The following SLC22A3 variants were observed in gnomAD, a reference collection of about 807,000 sequenced individuals.
SLC22A3 encodes the protein EMT organic cation transporter 3.
Under a neutral mutation model 59.1 loss-of-function variants are expected in SLC22A3, and 51 were observed. That is an observed-to-expected ratio of 0.86 (90% CI 0.69 to 1.09). The LOEUF is 1.09. Ranked by LOEUF, SLC22A3 falls within the 50% of genes least tolerant of loss-of-function variation. The probability of loss-of-function intolerance (pLI) is 0.00; values close to 1 mark genes in which losing one functional copy is unlikely to be tolerated. For synonymous variants in SLC22A3, 325 were observed against 292.0 expected, an observed-to-expected ratio of 1.11 and a Z score of -1.15; for missense variants, 711 against 726.3, an observed-to-expected ratio of 0.98 and a Z score of 0.24.
Position 160,407,148 on chromosome 6 carries a change from T to C in SLC22A3, c.641T>C (p.Leu214Pro). ...NFPVFVIFRF[L>P]QGVFGKGTWM... ...CCTGTGTTTGTGATCTTCCGCTTCCTGCAAGGTGTATTTGGAAAGGGGACG... is the reference window on the plus strand; with the variant it reads ...CCTGTGTTTGTGATCTTCCGCTTCCCGCAAGGTGTATTTGGAAAGGGGACG... The change falls in exon 3 of 11, where the codon CTG becomes CCG. Residue 214 changes from leucine (L) to proline (P), a missense_variant. Coordinates refer to ENST00000275300, the MANE Select transcript of SLC22A3 (RefSeq NM_021977.4). The C allele has an allele frequency of 6.2e-7, 1 of 1,612,598 alleles. No homozygotes were observed. The highest frequency in any genetic ancestry group is 8.5e-7 in the Non-Finnish European group (1 of 1,179,132).
rs558521511 is a variant in SLC22A3 at position 160,382,884 on chromosome 6, C to G, written c.430-15095C>G. On this transcript the variant is annotated intron_variant, in intron 1 of 10. Coordinates refer to ENST00000275300, the MANE Select transcript of SLC22A3 (RefSeq NM_021977.4). ...AAAAAATGGAAATTCCAGAGCTGAA[C>G]AAGTACAATAATTGAAATAACAAAC... Among the ~76,000 whole-genome samples, 3 of 152,210 alleles carry G rather than the reference C, an allele frequency of 2.0e-5. No individual in the cohort carries two copies. The South Asian group carries it at 6.2e-4, about 32-fold the overall frequency.
At chr6:160,371,622 T>C (rs568232929) in intron 1 of SLC22A3, among the ~76,000 whole-genome samples, 4 of 152,320 alleles carry the variant, frequency 2.6e-5, no homozygotes, top group African/African-American at 4.8e-5. Context: ...TTTGCCATTG[T>C]GAATAGTGCC....
chr6:160,439,380 C>A (rs188200673), intron 7 of SLC22A3, among the ~76,000 whole-genome samples: 1 of 152,056 alleles, frequency 6.6e-6, no homozygotes, highest in African/African-American at 2.4e-5. Flanking sequence ...AGAAATGCAG[C>A]GAGAAAGATG....
At chr6:160,427,222 G>A (rs187723772) in intron 5 of SLC22A3, among the ~76,000 whole-genome samples, 131 of 152,266 alleles carry the variant, frequency 8.6e-4, no homozygotes, top group African/African-American at 2.6e-3. Context: ...CCAAGAAAAC[G>A]TGCAGGAAAT....
chr6:160,407,102 G>A lies in SLC22A3; in HGVS notation c.595G>A (p.Val199Met). 6.2e-7 allele frequency: 1 copy of A among 1,612,392 alleles called. No homozygotes were observed. The highest frequency in any genetic ancestry group is 1.1e-5 in the South Asian group (1 of 90,716). ...CLGVGVTGVV[V>M]AFAPNFPVFV... ...TGGTGTTGGCGTCACTGGGGTTGTGGTGGCCTTTGCACCAAACTTCCCTGT... is the reference window on the plus strand; with the variant it reads ...TGGTGTTGGCGTCACTGGGGTTGTGATGGCCTTTGCACCAAACTTCCCTGT... The change falls in exon 3 of 11, where the codon GTG (valine) becomes ATG (methionine). Residue 199 changes from valine to methionine, a missense_variant. Coordinates refer to ENST00000275300, the MANE Select transcript of SLC22A3 (RefSeq NM_021977.4).
chr6:160,385,441 C>T (rs1785964862), intron 1 of SLC22A3, among the ~76,000 whole-genome samples: 1 of 152,176 alleles, frequency 6.6e-6, no homozygotes, highest in Non-Finnish European at 1.5e-5. Context: ...GGAGCTCTGG[C>T]CACTTTTCCT....
At chr6:160,355,293 A>G (rs675162) in intron 1 of SLC22A3, among the ~76,000 whole-genome samples, 78,644 of 151,810 alleles carry the variant, frequency 0.52, 20,760 homozygotes, top group African/African-American at 0.63. Context: ...ATCCTCCCCT[A>G]GGTCTGGTAC....
intron 1 of SLC22A3, among the ~76,000 whole-genome samples, chr6:160,379,208 C>T (rs1385251235): frequency 1.3e-5 from 2 of 152,292 alleles, no homozygotes; most frequent in East Asian, 3.9e-4. Flanking sequence ...TAGTGAAACT[C>T]ATTCTGAGGT....
At chr6:160,444,161 G>A (rs994441013) in intron 9 of SLC22A3, among the ~76,000 whole-genome samples, 1 of 152,124 alleles carries the variant, frequency 6.6e-6, no homozygotes, top group African/African-American at 2.4e-5. Flanking sequence ...CTTGGGCCTA[G>A]GAGTTCAAGA....
intron 5 of SLC22A3, among the ~76,000 whole-genome samples, chr6:160,413,290 G>A (rs963750156): frequency 6.6e-6 from 1 of 152,314 alleles, no homozygotes; most frequent in Admixed American, 6.5e-5. Context: ...CATGACAACA[G>A]GTAAGTAGTT....
chr6:160,368,893 T>G (rs1249721880), intron 1 of SLC22A3, among the ~76,000 whole-genome samples: 1 of 152,196 alleles, frequency 6.6e-6, no homozygotes, highest in Non-Finnish European at 1.5e-5. Flanking sequence ...TGCTTGCATA[T>G]TCTGTCCAAG....
At chr6:160,398,509 G>C (rs1305534655) in intron 2 of SLC22A3, among the ~76,000 whole-genome samples, 2 of 151,688 alleles carry the variant, frequency 1.3e-5, no homozygotes, top group African/African-American at 4.8e-5. Context: ...TTTTTTAAAC[G>C]AAATCCTTGT....
At chr6:160,433,373 T>C (rs1325257073) in intron 5 of SLC22A3, among the ~76,000 whole-genome samples, 2 of 152,146 alleles carry the variant, frequency 1.3e-5, no homozygotes, top group African/African-American at 4.8e-5. Context: ...AACTGAAAAA[T>C]CTACAAATGT....
intron 1 of SLC22A3, among the ~76,000 whole-genome samples, chr6:160,390,073 C>A (rs531587705): frequency 6.6e-6 from 1 of 152,282 alleles, no homozygotes; most frequent in African/African-American, 2.4e-5. Flanking sequence ...ACTAATTAAT[C>A]ACCACTTATA....
chr6:160,415,298 G>A lies in SLC22A3; in HGVS notation c.975+4452G>A, dbSNP rs1348339354. Among the ~76,000 whole-genome samples the A allele has an allele frequency of 6.6e-6, 1 of 152,218 alleles. No homozygotes were observed. The highest frequency in any genetic ancestry group is 2.4e-5 in the African/African-American group (1 of 41,466). ...CCTGAGCAGAAAACCTCTTCGTGAT[G>A]ACGCAGAAGGACTGGCCAGCAGGGT... On this transcript the variant is annotated intron_variant, in intron 5 of 10. Coordinates refer to ENST00000275300, the MANE Select transcript of SLC22A3 (RefSeq NM_021977.4). The surrounding 1 kb of genome is among the most constrained non-coding windows in gnomAD (Gnocchi z 4.1).
In SLC22A3 at chr6:160,394,563, G is replaced by A. The variant is rs979456091; in HGVS notation, c.430-3416G>A. Among the ~76,000 whole-genome samples the A allele has an allele frequency of 2.0e-5, 3 of 152,244 alleles. No individual in the cohort carries two copies. In the East Asian group the frequency reaches 5.8e-4, roughly 29 times the overall value. On this transcript the variant is annotated intron_variant, in intron 1 of 10. Coordinates refer to ENST00000275300, the MANE Select transcript of SLC22A3 (RefSeq NM_021977.4). ...TTCCCTGTACAGGAAACACAAGCGT[G>A]TGTGGATGTGTGTGCATTTCTTTAG...
At chr6:160,449,792 G>A (rs1788881061) in intron 10 of SLC22A3, among the ~76,000 whole-genome samples, 1 of 152,180 alleles carries the variant, frequency 6.6e-6, no homozygotes, top group African/African-American at 2.4e-5. Context: ...GAATTTTACA[G>A]CTGGGCCGCT....
intron 5 of SLC22A3, among the ~76,000 whole-genome samples, chr6:160,411,886 A>C (rs1787267195): frequency 6.6e-6 from 1 of 152,240 alleles, no homozygotes; most frequent in Non-Finnish European, 1.5e-5. Flanking sequence ...AAATATGATG[A>C]TGTTTTAGCT....
At chr6:160,376,300 C>T (rs1785588150) in intron 1 of SLC22A3, among the ~76,000 whole-genome samples, 1 of 151,350 alleles carries the variant, frequency 6.6e-6, no homozygotes, top group African/African-American at 2.4e-5. Context: ...AATGAGAACA[C>T]ATGGACTCAG....
Sources: gnomAD v4.1 joint callset for allele counts (sites outside exome capture counted in the v4.1 genomes callset) on GRCh38, gnomAD v4.1.1 for gene constraint, Gnocchi (gnomAD v3.1) non-coding constraint, MANE v1.5 for transcripts, NCBI Gene and HGNC (gene_info 2026-07-23, HGNC 2026-07-21) for gene names.